SVIL: variants seen among roughly 807,000 people sequenced by gnomAD.
SVIL encodes supervillin, also known as archvillin.
SVIL carries 101 observed loss-of-function variants against 240.4 expected under a neutral mutation model. The ratio of observed to expected loss-of-function variants is 0.42; its 90% CI spans 0.36 to 0.50. The LOEUF is 0.50. SVIL is among the 20% of genes least tolerant of loss of function. The probability of loss-of-function intolerance (pLI) is 0.01; values close to 1 mark genes in which losing one functional copy is unlikely to be tolerated. For missense variants in SVIL, 2,512 were observed against 2,818.7 expected (o/e 0.89, Z 2.46); for synonymous variants, 999 against 1,100.0 (o/e 0.91, Z 1.82).
At chr10:29,519,481 G>C (rs1950429305) in intron 16 of SVIL, among the ~76,000 whole-genome samples, 1 of 152,166 alleles carries the variant, frequency 6.6e-6, no homozygotes, top group African/African-American at 2.4e-5. Context: ...CAAATAAATG[G>C]AGGAATAACA....
rs79840098 is a variant in SVIL, at chr10:29,593,234, A to G, written c.-200-23922T>C. On this transcript the variant is annotated intron_variant, in intron 1 of 37. Coordinates refer to ENST00000355867, the MANE Select transcript of SVIL (RefSeq NM_021738.3). Reference sequence around the variant, plus strand: ...TACTTCATTAACATTTTACACTATTATAAAAGTACACACAAGACACAGCCT... The same window carrying G: ...TACTTCATTAACATTTTACACTATTGTAAAAGTACACACAAGACACAGCCT... 9.3e-3 allele frequency among the ~76,000 whole-genome samples: 1,424 copies of G among 152,342 alleles called. 26 individuals are homozygous for G. The highest frequency in any genetic ancestry group is 0.032 in the African/African-American group (1,341 of 41,558).
In SVIL at chr10:29,468,142, T is replaced by C. The variant is rs184641425; in HGVS notation, c.5844-267A>G. Among the ~76,000 whole-genome samples, 43 of 152,318 alleles carry C rather than the reference T, an allele frequency of 2.8e-4. No individual in the cohort carries two copies. In the East Asian group the frequency reaches 5.8e-3, roughly 21 times the overall value. On this transcript the variant is annotated intron_variant, in intron 32 of 37. Coordinates refer to ENST00000355867, the MANE Select transcript of SVIL (RefSeq NM_021738.3). ...CACTCCGCATTTCCCCCATCCTTAG[T>C]CCTCAGAATCCACTAATCTACTCCT... is the stretch of plus-strand genomic sequence containing the variant.
At chr10:29,492,662 C>T (rs1948082815) in intron 21 of SVIL, among the ~76,000 whole-genome samples, 1 of 152,148 alleles carries the variant, frequency 6.6e-6, no homozygotes, top group South Asian at 2.1e-4. Flanking sequence ...AATCACTTTT[C>T]CTAGTTGGTT....
rs199548166 is a variant in SVIL, at chr10:29,499,153, C to T, written c.3627G>A (p.Ser1209=). The change falls in exon 18 of 38, where the codon TCG becomes TCA. Residue 1209 remains serine (S), a synonymous_variant. Transcript: ENST00000355867. ...KTRGRGAAND[S]TQFTVAGRMV... ...TCCTGCCAGCCACAGTGAACTGGGTCGAGTCGTTGGCCGCTCCTCTGCCTC... is the reference window on the plus strand; with the variant it reads ...TCCTGCCAGCCACAGTGAACTGGGTTGAGTCGTTGGCCGCTCCTCTGCCTC... 140 of 1,613,848 alleles carry T rather than the reference C, an allele frequency of 8.7e-5. No individual in the cohort carries two copies. Among genetic ancestry groups the T allele is most frequent in the Non-Finnish European group, 1.1e-4 (133 of 1,179,976 alleles).
intron 2 of SVIL, among the ~76,000 whole-genome samples, chr10:29,661,334 A>T (rs1959156783): frequency 6.6e-6 from 1 of 152,222 alleles, no homozygotes. Context: ...CATTTAGGAA[A>T]AATAAAAAAG....
chr10:29,476,576 A>T (rs1564475282), intron 29 of SVIL, among the ~76,000 whole-genome samples: 1 of 151,322 alleles, frequency 6.6e-6, no homozygotes, highest in African/African-American at 2.4e-5. Context: ...CTCATTTTTT[A>T]TTTTTTTGTA....
At chr10:29,515,805 T>A (rs1161863607) in intron 16 of SVIL, among the ~76,000 whole-genome samples, 1 of 152,174 alleles carries the variant, frequency 6.6e-6, no homozygotes, top group Admixed American at 6.5e-5. Context: ...CCAGCACCTA[T>A]GTCATCGGAC....
intron 16 of SVIL, among the ~76,000 whole-genome samples, chr10:29,513,730 C>T (rs1273086352): frequency 6.6e-6 from 1 of 152,124 alleles, no homozygotes; most frequent in Non-Finnish European, 1.5e-5. Context: ...TTTCTATAAA[C>T]CCATTTTTTA....
intron 2 of SVIL, among the ~76,000 whole-genome samples, chr10:29,680,852 G>A (rs1293568116): frequency 2.0e-5 from 3 of 152,124 alleles, no homozygotes; most frequent in Non-Finnish European, 4.4e-5. Context: ...CCAGGAAGCA[G>A]AGACTGCAGT....
intron 2 of SVIL, among the ~76,000 whole-genome samples, chr10:29,673,100 G>C (rs1431478289): frequency 6.6e-6 from 1 of 152,088 alleles, no homozygotes; most frequent in Non-Finnish European, 1.5e-5. Context: ...TTTCAGTAGA[G>C]ATGGGGTTTC....
At chr10:29,539,884 C>A (rs946597348) in intron 6 of SVIL, among the ~76,000 whole-genome samples, 8 of 152,100 alleles carry the variant, frequency 5.3e-5, no homozygotes, top group Non-Finnish European at 1.5e-5. Context: ...GTTGCCTTGG[C>A]CAAAAAATTG....
At chr10:29,469,482 T>C (rs1023138315) in intron 32 of SVIL, among the ~76,000 whole-genome samples, 2 of 152,200 alleles carry the variant, frequency 1.3e-5, no homozygotes, top group Non-Finnish European at 2.9e-5. Flanking sequence ...CTCACAGGTC[T>C]CAGTTGCCTC....
At chr10:29,699,253 C>T (rs762702205) in intron 1 of SVIL, among the ~76,000 whole-genome samples, 3 of 152,136 alleles carry the variant, frequency 2.0e-5, no homozygotes, top group Non-Finnish European at 2.9e-5. Context: ...CTCAGCCTCT[C>T]AAGTAGCTGG....
rs933078603 is a variant in SVIL, at chr10:29,462,335, A to T, written c.6344T>A (p.Phe2115Tyr). Residue 2115 changes from phenylalanine to tyrosine, a missense_variant, in exon 36 of 38, where the codon TTC becomes TAC. Physicochemically the swap from Phe to Tyr is conservative, Grantham distance 22. Transcript: ENST00000355867. ...CTCCCAGCTGGGAAACATATTGGTG[A>T]ATGTCAGGGGCTCCAGACCAGCGTG... is the stretch of plus-strand genomic sequence containing the variant. ...LIHAGLEPLT[F>Y]TNMFPSWEHR... 3.1e-6 allele frequency: 5 copies of T among 1,614,050 alleles called. No individual in the cohort carries two copies. The highest frequency in any genetic ancestry group is 1.1e-5 in the South Asian group (1 of 91,084).
chr10:29,726,014 T>C (rs996763653), intron 1 of SVIL, among the ~76,000 whole-genome samples: 2 of 152,166 alleles, frequency 1.3e-5, no homozygotes, highest in Non-Finnish European at 2.9e-5. Context: ...CTCGACATCA[T>C]GGGCTTATGT....
At chr10:29,637,402 G>A (rs546568068), upstream of SVIL, among the ~76,000 whole-genome samples, 33 of 152,206 alleles carry the variant, frequency 2.2e-4, no homozygotes, top group East Asian at 1.6e-3. Flanking sequence ...CAGGAGCATC[G>A]CTTGAACCCA....
In SVIL at chr10:29,493,485, G is replaced by A; in HGVS notation, c.3842-94C>T. ...GTTTAAAAATTCTATTGCCTCCTAAGTTCCAGGAGTGGAAGAAACACGGTT... is the reference window on the plus strand; with the variant it reads ...GTTTAAAAATTCTATTGCCTCCTAAATTCCAGGAGTGGAAGAAACACGGTT... On this transcript the variant is annotated intron_variant, in intron 20 of 37. Coordinates refer to ENST00000355867, the MANE Select transcript of SVIL (RefSeq NM_021738.3). 7.4e-6 allele frequency: 10 copies of A among 1,350,312 alleles called. 1 individual carries two copies. The highest frequency in any genetic ancestry group is 1.0e-5 in the Non-Finnish European group (10 of 981,642). The allele number at this position is 1,350,312 out of a possible 1,614,324, so 83.6% of individuals were successfully genotyped here.
chr10:29,548,977 C>T (rs1484075960), intron 6 of SVIL, among the ~76,000 whole-genome samples: 2 of 152,058 alleles, frequency 1.3e-5, no homozygotes, highest in Non-Finnish European at 2.9e-5. Context: ...ATGTCTAAAA[C>T]ACCAAAAGCA....
Position 29,481,721 on chromosome 10 carries a change from G to C in SVIL, c.4963C>G (p.Gln1655Glu), listed in dbSNP as rs1202159706. 1 of 1,613,438 alleles carries C rather than the reference G, an allele frequency of 6.2e-7. No individual in the cohort carries two copies. The highest frequency in any genetic ancestry group is 8.5e-7 in the Non-Finnish European group (1 of 1,179,746). Reference sequence around the variant, plus strand: ...AATATCGCCCAGTCGGGCCGCCCCTGTCCTTTTCTGTAGGGTGGGAGGGGG... The same window carrying C: ...AATATCGCCCAGTCGGGCCGCCCCTCTCCTTTTCTGTAGGGTGGGAGGGGG... ...ECNPLIPRKG[Q>E]GRPDWAIFGR... is the part of the protein sequence containing the mutation. The change falls in exon 28 of 38, where the codon CAG becomes GAG. Residue 1655 changes from glutamine (Q) to glutamate (E), a missense_variant. Around this residue, in one of 3 missense-constraint regions of SVIL, gnomAD observed 797 missense variants for 925.3 expected, o/e 0.86. Coordinates refer to ENST00000355867, the MANE Select transcript of SVIL (RefSeq NM_021738.3).
Sources: allele counts gnomAD v4.1 joint callset (sites outside exome capture counted in the v4.1 genomes callset), GRCh38; gene constraint gnomAD v4.1.1; regional missense constraint gnomAD v4.1.1; transcripts MANE v1.5; gene names NCBI Gene and HGNC (gene_info 2026-07-23, HGNC 2026-07-21).